ST8SIA2: variants seen among roughly 807,000 people sequenced by gnomAD.
The protein encoded by ST8SIA2 is ST8 alpha-N-acetyl-neuraminide alpha-2,8-sialyltransferase 2, also known as alpha-2,8-sialyltransferase 8B.
In ST8SIA2, 22 loss-of-function variants were observed where a neutral mutation model predicts 37.6. The ratio of observed to expected loss-of-function variants is 0.58; its 90% CI spans 0.42 to 0.83. The LOEUF (loss-of-function observed/expected upper bound fraction) is 0.83. Ranked by LOEUF, ST8SIA2 falls within the 40% of genes least tolerant of loss-of-function variation. The probability of loss-of-function intolerance (pLI) is 0.00; values close to 1 mark genes in which losing one functional copy is unlikely to be tolerated. For synonymous variants in ST8SIA2, 205 were observed against 201.2 expected, an observed-to-expected ratio of 1.02 and a Z score of -0.16; for missense variants, 382 against 484.7, an observed-to-expected ratio of 0.79 and a Z score of 1.99.
At chr15:92,417,838 G>A (rs1287634251) in intron 1 of ST8SIA2, 3 of 152,158 alleles carry the variant, frequency 2.0e-5, no homozygotes, top group South Asian at 2.1e-4. Flanking sequence ...GAGTGTCTGG[G>A]TCACGCCTTA....
rs2049990423 is a variant in ST8SIA2 at position 92,466,134 on chromosome 15, C to G, written c.*1749C>G. The G allele has an allele frequency of 6.6e-6, 1 of 152,138 alleles. No individual in the cohort carries two copies. Among genetic ancestry groups the G allele is most frequent in the Non-Finnish European group, 1.5e-5 (1 of 68,036 alleles). 9.4% of individuals were successfully genotyped at this position (152,138 alleles called of 1,614,324 possible). A position where few individuals can be genotyped will look rare whatever the true frequency, so the allele number is the denominator to read the frequency against. ...CAGAACCATTAACCCTACACAAGAACACTCCAGCCCAAAACCGTGAGGAAG... is the reference window on the plus strand; with the variant it reads ...CAGAACCATTAACCCTACACAAGAAGACTCCAGCCCAAAACCGTGAGGAAG... On this transcript the variant is annotated 3_prime_UTR_variant, in exon 6 of 6. Transcript: ENST00000268164.
intron 4 of ST8SIA2, among the ~76,000 whole-genome samples, chr15:92,439,073 A>G (rs956365896): frequency 4.6e-5 from 7 of 152,332 alleles, no homozygotes; most frequent in South Asian, 2.1e-4. Flanking sequence ...CAGAGAGATC[A>G]TATCACCTGC....
chr15:92,461,652 C>T (rs769972359), intron 5 of ST8SIA2, among the ~76,000 whole-genome samples: 1 of 152,202 alleles, frequency 6.6e-6, no homozygotes, highest in Non-Finnish European at 1.5e-5. Flanking sequence ...TGGGCCAGAC[C>T]TTCTGGGGAG....
Position 92,435,738 on chromosome 15 carries a change from G to A in ST8SIA2, c.290+1363G>A, listed in dbSNP as rs139805161. Among the ~76,000 whole-genome samples, 615 of 152,122 alleles carry A rather than the reference G, an allele frequency of 4.0e-3. 8 individuals carry two copies. Among genetic ancestry groups the A allele is most frequent in the African/African-American group, 0.014 (580 of 41,468 alleles). On this transcript the variant is annotated intron_variant, in intron 3 of 5. Transcript: ENST00000268164. The stretch of plus-strand genomic sequence containing the variant: ...TGCCACCCTGCACTCCTTACTTACC[G>A]CCTCTTCAGAGGCCTCCTGGTGGCC...
intron 1 of ST8SIA2, among the ~76,000 whole-genome samples, chr15:92,399,885 C>T (rs1407308244): frequency 2.0e-5 from 3 of 152,200 alleles, no homozygotes; most frequent in Non-Finnish European, 4.4e-5. Context: ...ATTATAAATA[C>T]TTCTTCGAGA....
chr15:92,425,480 C>G (rs914737343), intron 1 of ST8SIA2, among the ~76,000 whole-genome samples: 1 of 152,212 alleles, frequency 6.6e-6, no homozygotes, highest in Non-Finnish European at 1.5e-5. Flanking sequence ...AGAAAGTGAA[C>G]AAGACAGGCT....
rs187427882 is a variant in ST8SIA2 at position 92,436,987 on chromosome 15, G to A, written c.291-1366G>A. 5.6e-3 allele frequency among the ~76,000 whole-genome samples: 853 copies of A among 152,236 alleles called. 33 individuals carry two copies. Among genetic ancestry groups the A allele is most frequent in the Admixed American group, 0.049 (754 of 15,292 alleles). On this transcript the variant is annotated intron_variant, in intron 3 of 5. Coordinates refer to ENST00000268164, the MANE Select transcript of ST8SIA2 (RefSeq NM_006011.4). Reference sequence around the variant, plus strand: ...GCCTGGAAATTTGAAATACTTAAAGGTTCCCCAAGTGACTGAATGTGCAGC... The same window carrying A: ...GCCTGGAAATTTGAAATACTTAAAGATTCCCCAAGTGACTGAATGTGCAGC...
At chr15:92,456,874 G>A (rs112204514) in intron 5 of ST8SIA2, among the ~76,000 whole-genome samples, 75 of 152,330 alleles carry the variant, frequency 4.9e-4, no homozygotes, top group African/African-American at 1.7e-3. Flanking sequence ...AAGAGTGTTG[G>A]CTTAGGCAGG....
intron 1 of ST8SIA2, among the ~76,000 whole-genome samples, chr15:92,421,463 A>C (rs569730162): frequency 2.0e-5 from 3 of 152,368 alleles, no homozygotes; most frequent in African/African-American, 7.2e-5. Flanking sequence ...GAATAACATC[A>C]GTATCAAATG....
At chr15:92,451,041 A>G (rs2049878137) in intron 5 of ST8SIA2, among the ~76,000 whole-genome samples, 1 of 152,218 alleles carries the variant, frequency 6.6e-6, no homozygotes, top group African/African-American at 2.4e-5. Context: ...CTTGACGGAC[A>G]GTTTAGGGAA....
intron 5 of ST8SIA2, among the ~76,000 whole-genome samples, chr15:92,460,551 A>G (rs2049950330): frequency 6.6e-6 from 1 of 152,182 alleles, no homozygotes; most frequent in South Asian, 2.1e-4. Flanking sequence ...TTTGCCCCTC[A>G]AAGCCTCCCA....
chr15:92,415,020 C>T (rs534257789), intron 1 of ST8SIA2, among the ~76,000 whole-genome samples: 1 of 152,306 alleles, frequency 6.6e-6, no homozygotes, highest in South Asian at 2.1e-4. Context: ...AAGAGCATGG[C>T]TGGGAAAAGT....
rs1373640015 is a variant in ST8SIA2, at chr15:92,394,008, C to T, written c.-57C>T. The T allele has an allele frequency of 2.1e-6, 3 of 1,407,670 alleles. No individual in the cohort carries two copies. Among genetic ancestry groups the T allele is most frequent in the Non-Finnish European group, 2.9e-6 (3 of 1,041,024 alleles). 87.2% of individuals were successfully genotyped at this position (1,407,670 alleles called of 1,614,324 possible). A position where few individuals can be genotyped will look rare whatever the true frequency, so the allele number is the denominator to read the frequency against. ...AGGCTCCGGCGTCCGCCGCTGCGCC[C>T]TCCGGCCCCTGCTCCTCGCGCCGGC... is the stretch of plus-strand genomic sequence containing the variant. On this transcript the variant is annotated 5_prime_UTR_variant, in exon 1 of 6. Transcript: ENST00000268164.
Position 92,448,156 on chromosome 15 carries a change from G to C in ST8SIA2, c.842+3227G>C, listed in dbSNP as rs72655700. Among the ~76,000 whole-genome samples, 491 of 152,298 alleles carry C rather than the reference G, an allele frequency of 3.2e-3. 1 individual carries two copies. Among genetic ancestry groups the C allele is most frequent in the Non-Finnish European group, 5.8e-3 (393 of 68,022 alleles). On this transcript the variant is annotated intron_variant, in intron 5 of 5. Transcript: ENST00000268164. ...TAAACAAACAGGCTGTTCATCCTGA[G>C]ACTGCAACATCTTCAGCTGCAGGAC...
intron 5 of ST8SIA2, among the ~76,000 whole-genome samples, chr15:92,450,390 T>G (rs2049873350): frequency 6.6e-6 from 1 of 152,178 alleles, no homozygotes; most frequent in Non-Finnish European, 1.5e-5. Flanking sequence ...AATACATGAA[T>G]GTATTAGTCT....
chr15:92,454,799 G>A (rs1018467103), intron 5 of ST8SIA2, among the ~76,000 whole-genome samples: 5 of 151,896 alleles, frequency 3.3e-5, no homozygotes, highest in African/African-American at 4.9e-5. Context: ...CTAGGAAGGT[G>A]AGCAATGGAG....
intron 1 of ST8SIA2, among the ~76,000 whole-genome samples, chr15:92,415,477 C>A (rs2049579877): frequency 6.6e-6 from 1 of 151,764 alleles, no homozygotes; most frequent in Admixed American, 6.6e-5. Flanking sequence ...CCTTTAGGGT[C>A]CAGGCAAGTC....
intron 3 of ST8SIA2, among the ~76,000 whole-genome samples, chr15:92,437,116 A>G (rs1270372003): frequency 6.6e-6 from 1 of 152,224 alleles, no homozygotes; most frequent in East Asian, 1.9e-4. Context: ...AGCGTCTAAC[A>G]TTTGCAAAGT....
intron 5 of ST8SIA2, among the ~76,000 whole-genome samples, chr15:92,451,401 G>C (rs1464652431): frequency 6.6e-6 from 1 of 152,184 alleles, no homozygotes; most frequent in Admixed American, 6.5e-5. Flanking sequence ...AGAACAAGCT[G>C]AAAGGTCAGA....
Sources: gnomAD v4.1 joint callset for allele counts (sites outside exome capture counted in the v4.1 genomes callset) on GRCh38, gnomAD v4.1.1 for gene constraint, MANE v1.5 for transcripts, NCBI Gene and HGNC (gene_info 2026-07-23, HGNC 2026-07-21) for gene names.